Variants in CRTC2 observed in about 807,000 individuals in gnomAD.
The protein encoded by CRTC2 is CREB regulated transcription coactivator 2, also known as CREB-regulated transcription coactivator 2.
Under a neutral mutation model 70.9 loss-of-function variants are expected in CRTC2, and 25 were observed. The ratio of observed to expected loss-of-function variants is 0.35; its 90% CI spans 0.26 to 0.49. CRTC2 has a LOEUF of 0.49. Ranked by LOEUF, CRTC2 falls within the 20% of genes least tolerant of loss-of-function variation. CRTC2 has a pLI of 0.98. For synonymous variants in CRTC2, 330 were observed against 364.1 expected, an observed-to-expected ratio of 0.91 and a Z score of 1.07; for missense variants, 737 against 882.6, an observed-to-expected ratio of 0.83 and a Z score of 2.09.
At chr1:153,949,675 C>A (rs1209507491) in intron 11 of CRTC2, among the ~76,000 whole-genome samples, 1 of 152,004 alleles carries the variant, frequency 6.6e-6, no homozygotes, top group Non-Finnish European at 1.5e-5. Context: ...ATGGTGAAAC[C>A]CCGTCTCTAC....
intron 1 of CRTC2, 39 bp from the exon 2 acceptor site, chr1:153,955,205 C>G (rs761501570): frequency 2.9e-5 from 42 of 1,472,362 alleles, no homozygotes; most frequent in Non-Finnish European, 3.8e-5. Flanking sequence ...CAGGAGGGTC[C>G]TGAGCACTAT....
chr1:153,951,226 G>T (rs1223884215), intron 11 of CRTC2, 34 bp downstream of exon 11: 2 of 1,606,822 alleles, frequency 1.2e-6, no homozygotes, highest in Non-Finnish European at 1.7e-6. Context: ...AAAGGGAAGG[G>T]AGACAGACAT....
chr1:153,948,973 T>C (rs913210674), intron 12 of CRTC2, 142 bp downstream of exon 12: 2 of 931,202 alleles, frequency 2.1e-6, no homozygotes, highest in South Asian at 1.4e-5. Flanking sequence ...CAGTGCTATG[T>C]TACCTCCGGG....
rs540283757 is a variant in CRTC2, at chr1:153,954,775, A to G, written c.372+98T>C. The G allele has an allele frequency of 8.3e-4, 856 of 1,031,834 alleles. 9 individuals are homozygous for G. Among genetic ancestry groups the G allele is most frequent in the South Asian group, 6.6e-3 (473 of 71,428 alleles). 63.9% of individuals were successfully genotyped at this position (1,031,834 alleles called of 1,614,324 possible). A position where few individuals can be genotyped will look rare whatever the true frequency, so the allele number is the denominator to read the frequency against. On this transcript the variant is annotated intron_variant, in intron 3 of 13. Transcript: ENST00000368633. ...CTGGGTAAAGAAGAGCTCCAAGAGA[A>G]GGAAGGGACGCACAACACTTCAAGT...
Position 153,958,469 on chromosome 1 carries a change from C to T in CRTC2, c.29G>A (p.Gly10Asp), listed in dbSNP as rs1680761558. 4 of 1,612,292 alleles carry T rather than the reference C, an allele frequency of 2.5e-6. No homozygotes were observed. MATSGANGP[G>D]SATASASNPR... ...ATTGGAAGCCGAGGCCGTGGCCGAA[C>T]CAGGCCCGTTCGCCCCCGACGTCGC... The change falls in exon 1 of 14, where the codon GGT becomes GAT. Residue 10 changes from glycine to aspartate, a missense_variant. Transcript: ENST00000368633.
intron 11 of CRTC2, among the ~76,000 whole-genome samples, chr1:153,950,706 C>T (rs1167917461): frequency 6.6e-6 from 1 of 152,156 alleles, no homozygotes; most frequent in African/African-American, 2.4e-5. Flanking sequence ...GTCCCACTTT[C>T]CTCATCTATT....
Position 153,958,553 on chromosome 1 carries a change from C to A in CRTC2, c.-56G>T. On this transcript the variant is annotated 5_prime_UTR_variant, in exon 1 of 14. Transcript: ENST00000368633. ...CCAGTACCAGCCGCGGCCTCCGCCG[C>A]GGCCTCGGCCCGGCTCCTCCAGCCG... is the stretch of plus-strand genomic sequence containing the variant. The A allele has an allele frequency of 6.7e-7, 1 of 1,492,678 alleles. No homozygotes were observed. Among genetic ancestry groups the A allele is most frequent in the African/African-American group, 1.4e-5 (1 of 70,572 alleles). 92.5% of individuals were successfully genotyped at this position (1,492,678 alleles called of 1,614,324 possible).
Position 153,948,200 on chromosome 1 carries a change from C to T in CRTC2, c.1991G>A (p.Gly664Asp). ...ACTCAGCATGTTTAGCCCTTCCAGG[C>T]CCAGTGGCTCCATGCGCAGCTCATC... The part of the protein sequence containing the change: ...LEDELRMEPL[G>D]LEGLNMLSDP... Residue 664 changes from glycine (G) to aspartate (D), a missense_variant, in exon 14 of 14, where the codon GGC becomes GAC. Gly to Asp is a moderately conservative substitution (Grantham distance 94). This residue lies in a region of CRTC2 where 699 missense variants were observed against 823.7 expected (regional missense o/e 0.85). Transcript: ENST00000368633. The T allele has an allele frequency of 6.2e-7, 1 of 1,614,246 alleles. No individual in the cohort carries two copies. The highest frequency in any genetic ancestry group is 1.1e-5 in the South Asian group (1 of 91,092).
rs368986262 is a variant in CRTC2 at position 153,951,542 on chromosome 1, G to C, written c.1122C>G (p.Ala374=). The C allele has an allele frequency of 1.2e-6, 2 of 1,608,540 alleles. No individual in the cohort carries two copies. Among genetic ancestry groups the C allele is most frequent in the South Asian group, 2.2e-5 (2 of 90,274 alleles). ...GCAGTACATGGCGGGCCAAGGAGGA[G>C]GCAGGCAGAGAGGGGTGGCTGTGGG... The part of the protein sequence containing the change: ...QGSHSHPSLP[A]SSLARHVLPT... The change falls in exon 11 of 14, where the codon GCC becomes GCG. Residue 374 remains alanine, a synonymous_variant. Transcript: ENST00000368633.
At chr1:153,956,999 G>A (rs1244345114) in intron 1 of CRTC2, among the ~76,000 whole-genome samples, 4 of 152,126 alleles carry the variant, frequency 2.6e-5, no homozygotes, top group African/African-American at 9.7e-5. Flanking sequence ...CCATCTTCCT[G>A]TCTCTGTCCC....
Position 153,948,125 on chromosome 1 carries a change from C to T in CRTC2, c.2066G>A (p.Ser689Asn). 1 of 1,614,162 alleles carries T rather than the reference C, an allele frequency of 6.2e-7. No individual in the cohort carries two copies. The highest frequency in any genetic ancestry group is 1.1e-5 in the South Asian group (1 of 91,086). Reference protein sequence around the residue: ...PDPAVEESFRSDRLQ With the variant: ...PDPAVEESFRNDRLQ ...GAGGTGCCCTCATTGGAGCCGGTCA[C>T]TGCGGAATGACTCCTCCACAGCAGG... is the stretch of plus-strand genomic sequence containing the variant. Residue 689 changes from serine to asparagine, a missense_variant, in exon 14 of 14, where the codon AGT (serine) becomes AAT (asparagine). Physicochemically the swap from Ser to Asn is conservative, Grantham distance 46. This residue lies in a region of CRTC2 where 699 missense variants were observed against 823.7 expected (regional missense o/e 0.85). Coordinates refer to ENST00000368633, the MANE Select transcript of CRTC2 (RefSeq NM_181715.3).
In CRTC2 at chr1:153,952,854, A is replaced by G. The variant is rs1376901196; in HGVS notation, c.608-20T>C. ...GAATACCTGCAAGGGATACAGTGGC[A>G]TTGGCTGCAGTGCTCACTTGCCTAC... On this transcript the variant is annotated intron_variant, in intron 6 of 13. Transcript: ENST00000368633. The G allele has an allele frequency of 6.2e-7, 1 of 1,614,186 alleles. No individual in the cohort carries two copies.
chr1:153,953,080 G>C, intron 6 of CRTC2, 186 bp downstream of exon 6: 1 of 610,142 alleles, frequency 1.6e-6, no homozygotes, highest in East Asian at 3.0e-5. Flanking sequence ...CTACTCAGGA[G>C]GCTGAGGCAG....
chr1:153,951,695 G>A lies in CRTC2; in HGVS notation c.998-29C>T, dbSNP rs759748954. ...CAGGCACAGACAAAAAACCAGAGAT[G>A]CCAACATTACTGATGGGAACTGAGC... On this transcript the variant is annotated intron_variant, in intron 10 of 13. Transcript: ENST00000368633. The A allele has an allele frequency of 5.0e-6, 8 of 1,608,990 alleles. No individual in the cohort carries two copies. The Admixed American group carries it at 8.4e-5, about 17-fold the overall frequency.
rs1680457298 is a variant in CRTC2 at position 153,953,323 on chromosome 1, G to A, written c.550C>T (p.Pro184Ser). The change falls in exon 6 of 14, where the codon CCC becomes TCC. Residue 184 changes from proline (P) to serine (S), a missense_variant. By Grantham distance (74) the Pro-to-Ser change is moderately conservative (BLOSUM62 -1). This residue lies in a region of CRTC2 where 699 missense variants were observed against 823.7 expected (regional missense o/e 0.85). Coordinates refer to ENST00000368633, the MANE Select transcript of CRTC2 (RefSeq NM_181715.3). ...GTGGGGCCTGGGTAGGTATCCTGGGGACTGGGGTTCATCACACTTGTATGA... is the reference window on the plus strand; with the variant it reads ...GTGGGGCCTGGGTAGGTATCCTGGGAACTGGGGTTCATCACACTTGTATGA... The part of the protein sequence containing the change: ...ALHTSVMNPS[P>S]QDTYPGPTPP... The A allele has an allele frequency of 6.2e-7, 1 of 1,600,248 alleles. No homozygotes were observed. The highest frequency in any genetic ancestry group is 8.5e-7 in the Non-Finnish European group (1 of 1,175,984).
In CRTC2 at chr1:153,952,556, G is replaced by A. The variant is rs771060705; in HGVS notation, c.702+15C>T. ...CAGAGAGACTAGTGGGTGACACCCGGTGGCCTCCTCCTACCTTCTTAGCAT... is the reference window on the plus strand; with the variant it reads ...CAGAGAGACTAGTGGGTGACACCCGATGGCCTCCTCCTACCTTCTTAGCAT... On this transcript the variant is annotated intron_variant, in intron 8 of 13. Coordinates refer to ENST00000368633, the MANE Select transcript of CRTC2 (RefSeq NM_181715.3). The A allele has an allele frequency of 9.3e-6, 15 of 1,613,932 alleles. No homozygotes were observed. The highest frequency in any genetic ancestry group is 2.2e-5 in the South Asian group (2 of 91,080).
chr1:153,948,533 C>G lies in CRTC2; in HGVS notation c.1786G>C (p.Asp596His), dbSNP rs1680146080. Reference protein sequence around the residue: ...GGEGPMGGPQDPHTFNHQNLT... With the variant: ...GGEGPMGGPQHPHTFNHQNLT... The stretch of plus-strand genomic sequence containing the variant: ...TTCTGGTGGTTGAAGGTGTGGGGAT[C>G]CTGGGGGCCACCCATTGGCCCCTCA... Residue 596 changes from aspartate to histidine, a missense_variant, in exon 13 of 14, where the codon GAT becomes CAT. Asp to His is a moderately conservative substitution (Grantham distance 81, BLOSUM62 -1). Around this residue, in one of 3 missense-constraint regions of CRTC2, gnomAD observed 699 missense variants for 823.7 expected, o/e 0.85. Coordinates refer to ENST00000368633, the MANE Select transcript of CRTC2 (RefSeq NM_181715.3). 6.2e-7 allele frequency: 1 copy of G among 1,612,682 alleles called. No individual in the cohort carries two copies. The highest frequency in any genetic ancestry group is 8.5e-7 in the Non-Finnish European group (1 of 1,179,426).
Position 153,951,450 on chromosome 1 carries a change from G to A in CRTC2, c.1214C>T (p.Ser405Phe). The change falls in exon 11 of 14, where the codon TCC becomes TTC. Residue 405 changes from serine to phenylalanine, a missense_variant. Transcript: ENST00000368633. ...PALSSSSSSS[S>F]TSSPVLGAPS... ...GGCGCCCAAAACAGGAGATGAAGTG[G>A]AGGAGGAGGAAGAGGAGGAGGAGAG... 5 of 1,601,584 alleles carry A rather than the reference G, an allele frequency of 3.1e-6. No homozygotes were observed. Among genetic ancestry groups the A allele is most frequent in the African/African-American group, 1.3e-5 (1 of 74,780 alleles).
chr1:153,958,120 C>A (rs1487862189), intron 1 of CRTC2: 5 of 1,397,098 alleles, frequency 3.6e-6, no homozygotes, highest in African/African-American at 1.5e-5. Context: ...ACGTACTCGG[C>A]CCCCAGTCGC....
Sources: gnomAD v4.1 joint callset for allele counts (sites outside exome capture counted in the v4.1 genomes callset) on GRCh38, gnomAD v4.1.1 for gene constraint, gnomAD v4.1.1 regional missense constraint, MANE v1.5 for transcripts, NCBI Gene and HGNC (gene_info 2026-07-23, HGNC 2026-07-21) for gene names.